PTGER3: variants seen among roughly 807,000 people sequenced by gnomAD.
PTGER3 encodes prostaglandin E2 receptor EP3 subtype.
Under a neutral mutation model 34.7 loss-of-function variants are expected in PTGER3, and 22 were observed. The observed-to-expected ratio is 0.63, with a 90% CI of 0.45 to 0.91. PTGER3 has a LOEUF of 0.91. PTGER3 is among the 40% of genes least tolerant of loss of function. PTGER3 has a pLI of 0.00. For missense variants in PTGER3, 468 were observed against 519.4 expected (o/e 0.90, Z 0.96); for synonymous variants, 241 against 230.1 (o/e 1.05, Z -0.43).
chr1:70,955,862 A>G (rs956217218), intron 2 of PTGER3, among the ~76,000 whole-genome samples: 2 of 152,150 alleles, frequency 1.3e-5, no homozygotes, highest in Non-Finnish European at 1.5e-5. Context: ...CACTATGCAC[A>G]ATTATACATT....
At chr1:70,861,656 A>C (rs181065581) in intron 4 of PTGER3, among the ~76,000 whole-genome samples, 2 of 152,226 alleles carry the variant, frequency 1.3e-5, no homozygotes, top group East Asian at 3.9e-4. Context: ...AATAGCACTG[A>C]CTAAATGTGA....
chr1:70,927,464 G>C (rs3908471), intron 4 of PTGER3, among the ~76,000 whole-genome samples: 56,168 of 152,018 alleles, frequency 0.37, 10,621 homozygotes, highest in Middle Eastern at 0.51. Flanking sequence ...AGAAAGCATA[G>C]CTATGGAATA....
At position 70,970,872 on chromosome 1, in the gene PTGER3, A is replaced by C. The variant is rs1653009689; in HGVS notation, c.*858T>G. On this transcript the variant is annotated 3_prime_UTR_variant, in exon 4 of 4. Transcript: ENST00000306666. ...AACGTAATAAAGTTTGTTATTCAAC[A>C]ACTGTTATTTATTAATTTTGCCTTT... is the stretch of plus-strand genomic sequence containing the variant. 2.1e-6 allele frequency: 2 copies of C among 963,058 alleles called. No individual in the cohort carries two copies. Among genetic ancestry groups the C allele is most frequent in the Non-Finnish European group, 2.5e-6 (2 of 809,672 alleles). 59.7% of individuals were successfully genotyped at this position (963,058 alleles called of 1,614,324 possible). A position where few individuals can be genotyped will look rare whatever the true frequency, so the allele number is the denominator to read the frequency against.
At chr1:70,878,959 A>G (rs1646329436) in intron 4 of PTGER3, among the ~76,000 whole-genome samples, 1 of 152,102 alleles carries the variant, frequency 6.6e-6, no homozygotes, top group Non-Finnish European at 1.5e-5. Context: ...TTTGGGGTAT[A>G]GTGTTCTGTA....
chr1:70,893,997 T>A (rs1646672356), intron 4 of PTGER3, among the ~76,000 whole-genome samples: 1 of 152,166 alleles, frequency 6.6e-6, no homozygotes, highest in Non-Finnish European at 1.5e-5. Flanking sequence ...TTGGTCAGAA[T>A]GAAAAATAAT....
intron 1 of PTGER3, among the ~76,000 whole-genome samples, chr1:71,013,060 G>A (rs939213933): frequency 6.6e-6 from 1 of 152,050 alleles, no homozygotes; most frequent in Non-Finnish European, 1.5e-5. Flanking sequence ...CCTTCTGGAT[G>A]AGCCAGACTA....
intron 2 of PTGER3, among the ~76,000 whole-genome samples, chr1:70,994,085 C>T (rs1225375366): frequency 6.6e-6 from 1 of 152,190 alleles, no homozygotes; most frequent in Non-Finnish European, 1.5e-5. Context: ...TTGCTCTGTT[C>T]CTGCCAACCA....
intron 2 of PTGER3, among the ~76,000 whole-genome samples, chr1:70,987,916 T>G (rs1572863375): frequency 6.6e-6 from 1 of 152,316 alleles, no homozygotes; most frequent in Non-Finnish European, 1.5e-5. Flanking sequence ...AAGAAAACTT[T>G]GACTCCTCAC....
At chr1:70,874,101 C>T (rs1646223106) in intron 4 of PTGER3, among the ~76,000 whole-genome samples, 1 of 152,200 alleles carries the variant, frequency 6.6e-6, no homozygotes, top group East Asian at 1.9e-4. Context: ...TACAAACAAA[C>T]AAACAAACAA....
chr1:70,894,641 A>T lies in PTGER3; in HGVS notation c.*24-41782T>A, dbSNP rs535949667. Among the ~76,000 whole-genome samples, 21 of 152,316 alleles carry T rather than the reference A, an allele frequency of 1.4e-4. No individual in the cohort carries two copies. The East Asian group carries it at 1.7e-3, about 13-fold the overall frequency. Reference sequence around the variant, plus strand: ...TAATGAAGTGCTATTATGGATAACAATTCCTGTGGAATTTGATCAAGCCTC... The same window carrying T: ...TAATGAAGTGCTATTATGGATAACATTTCCTGTGGAATTTGATCAAGCCTC... On this transcript the variant is annotated intron_variant, in intron 4 of 4. Coordinates refer to the PTGER3 transcript ENST00000370931.
At chr1:71,003,635 A>G (rs1227643348) in intron 2 of PTGER3, among the ~76,000 whole-genome samples, 2 of 152,174 alleles carry the variant, frequency 1.3e-5, no homozygotes, top group Non-Finnish European at 2.9e-5. Context: ...CATGATTGCA[A>G]CTTTTAGAGA....
At chr1:70,991,967 A>G (rs796678859) in intron 2 of PTGER3, among the ~76,000 whole-genome samples, 4 of 152,314 alleles carry the variant, frequency 2.6e-5, no homozygotes, top group African/African-American at 7.2e-5. Context: ...CAATAATAAT[A>G]GGCTATATTT....
At chr1:71,032,134 C>G (rs1251876026) in intron 1 of PTGER3, among the ~76,000 whole-genome samples, 1 of 152,158 alleles carries the variant, frequency 6.6e-6, no homozygotes, top group Non-Finnish European at 1.5e-5. Context: ...ACAACTCATC[C>G]TTTATGGAAA....
chr1:70,932,972 G>T lies in PTGER3; in HGVS notation c.*23+20791C>A, dbSNP rs532698869. Among the ~76,000 whole-genome samples the T allele has an allele frequency of 1.2e-3, 179 of 152,038 alleles. 2 individuals carry two copies. The highest frequency in any genetic ancestry group is 3.2e-4 in the Non-Finnish European group (22 of 67,944). ...CTGTAGACTGAAGGCAGAGTCAGGG[G>T]TTCTCTCAGTAACTATACTAAATTA... On this transcript the variant is annotated intron_variant, in intron 4 of 4. Transcript: ENST00000370931.
chr1:71,037,727 C>T (rs1348713250), intron 1 of PTGER3, among the ~76,000 whole-genome samples: 1 of 152,124 alleles, frequency 6.6e-6, no homozygotes, highest in African/African-American at 2.4e-5. Context: ...AAGGAAAGTC[C>T]GGCAAGATAA....
At chr1:70,876,614 C>T (rs949723166) in intron 4 of PTGER3, among the ~76,000 whole-genome samples, 1 of 151,996 alleles carries the variant, frequency 6.6e-6, no homozygotes, top group South Asian at 2.1e-4. Context: ...TTTAATCCAT[C>T]TTGAGTTGAT....
At chr1:70,962,966 G>GT (rs1652092074) in intron 2 of PTGER3, among the ~76,000 whole-genome samples, 1 of 152,186 alleles carries the variant, frequency 6.6e-6, no homozygotes. Context: ...AACCAAGTTA[G>GT]TTACTGCCTA....
intron 2 of PTGER3, chr1:71,006,236 G>C (rs1423731080): frequency 5.1e-6 from 5 of 985,270 alleles, no homozygotes; most frequent in Non-Finnish European, 6.0e-6. Context: ...CCCCACATGG[G>C]AGGAACCAGG....
At chr1:70,895,205 C>G (rs1311907470) in intron 4 of PTGER3, among the ~76,000 whole-genome samples, 1 of 152,122 alleles carries the variant, frequency 6.6e-6, no homozygotes, top group Non-Finnish European at 1.5e-5. Flanking sequence ...TTTACTCATT[C>G]TTTTCTTATT....
Sources: gnomAD v4.1 joint callset for allele counts (sites outside exome capture counted in the v4.1 genomes callset) on GRCh38, gnomAD v4.1.1 for gene constraint, MANE v1.5 for transcripts, NCBI Gene and HGNC (gene_info 2026-07-23, HGNC 2026-07-21) for gene names.